The following MYH7 variants were observed in gnomAD, a reference collection of about 807,000 sequenced individuals.
MYH7 encodes the protein myosin-7.
MYH7 carries 129 observed loss-of-function variants against 225.4 expected under a neutral mutation model. That is an observed-to-expected ratio of 0.57 (90% CI 0.50 to 0.66). MYH7 has a LOEUF of 0.66. Ranked by LOEUF, MYH7 falls within the 30% of genes least tolerant of loss-of-function variation. The pLI is 0.00. For missense variants in MYH7, 1,649 were observed against 2,517.0 expected, an observed-to-expected ratio of 0.66 and a Z score of 7.38; for synonymous variants, 971 against 1,007.6, an observed-to-expected ratio of 0.96 and a Z score of 0.69.
chr14:23,414,755 T>G (rs1434133699), intron 37 of MYH7, among the ~76,000 whole-genome samples: 1 of 152,138 alleles, frequency 6.6e-6, no homozygotes. Context: ...ATTCTGTGTG[T>G]GTCCCCTGGC....
Position 23,415,478 on chromosome 14 carries a change from T to C in MYH7, c.5186A>G (p.Lys1729Arg). ...QNTSLINQKKKMDADLSQLQT... is the reference protein window; with the variant it reads ...QNTSLINQKKRMDADLSQLQT... ...GAGCTGGGACAGGTCAGCATCCATC[T>C]TCTTCTTCTGGTTGATGAGGCTGGT... The change falls in exon 36 of 40, where the codon AAG becomes AGG. Residue 1729 changes from lysine to arginine, a missense_variant. By Grantham distance (26) the Lys-to-Arg change is conservative (BLOSUM62 2). Coordinates refer to ENST00000355349, the MANE Select transcript of MYH7 (RefSeq NM_000257.4). This position sits in a 1 kb window ranked among gnomAD's most constrained non-coding sequence, Gnocchi z 6.3. 6.2e-7 allele frequency: 1 copy of C among 1,614,220 alleles called. No individual in the cohort carries two copies. Among genetic ancestry groups the C allele is most frequent in the Non-Finnish European group, 8.5e-7 (1 of 1,180,036 alleles).
At position 23,424,850 on chromosome 14, in the gene MYH7, G is replaced by A. The variant is rs1202278618; in HGVS notation, c.2598C>T (p.Ser866=). ...FTRLKEALEK[S]EARRKELEEK... is the part of the protein sequence containing the mutation. Reference sequence around the variant, plus strand: ...CCTCCAGCTCCTTGCGGCGAGCCTCGGACTTCTCTAGCGCCTCTTTGAGGC... The same window carrying A: ...CCTCCAGCTCCTTGCGGCGAGCCTCAGACTTCTCTAGCGCCTCTTTGAGGC... The change falls in exon 22 of 40, where the codon TCC becomes TCT. Residue 866 remains serine (S), a synonymous_variant. Transcript: ENST00000355349. 9 of 1,614,056 alleles carry A rather than the reference G, an allele frequency of 5.6e-6. No homozygotes were observed. Among genetic ancestry groups the A allele is most frequent in the Middle Eastern group, 1.6e-4 (1 of 6,084 alleles).
chr14:23,422,484 A>G (rs970432956), intron 24 of MYH7, among the ~76,000 whole-genome samples, 159 bp from the exon 25 acceptor site: 1 of 152,120 alleles, frequency 6.6e-6, no homozygotes, highest in African/African-American at 2.4e-5. Flanking sequence ...GAGATTGCCT[A>G]GATATAGGGG....
Position 23,433,503 on chromosome 14 carries a change from GT to G in MYH7, c.201+28del. 3 of 1,610,578 alleles carry G rather than the reference GT, an allele frequency of 1.9e-6. No individual in the cohort carries two copies. The highest frequency in any genetic ancestry group is 2.5e-6 in the Non-Finnish European group (3 of 1,178,144). ...CCACCCAGGTGTACAGGTGGCCAGG[GT>G]GGACTCTCACATCAGCCTGACACCC... On this transcript the variant is annotated intron_variant, in intron 3 of 39. Transcript: ENST00000355349. The surrounding 1 kb of genome is among the most constrained non-coding windows in gnomAD (Gnocchi z 4.1).
chr14:23,433,233 A>G lies in MYH7; in HGVS notation c.202-6T>C. 1 of 1,614,164 alleles carries G rather than the reference A, an allele frequency of 6.2e-7. No individual in the cohort carries two copies. The highest frequency in any genetic ancestry group is 1.1e-5 in the South Asian group (1 of 91,080). On this transcript the variant is annotated splice_region_variant and splice_polypyrimidine_tract_variant and intron_variant, in intron 3 of 39. Transcript: ENST00000355349. This position sits in a 1 kb window ranked among gnomAD's most constrained non-coding sequence, Gnocchi z 4.1. ...TCCTCCTTCACGGTCACTGTCTGCA[A>G]GAGCCCCCACCCAAGCCCTCCTGTC...
In MYH7 at chr14:23,425,834, T is replaced by A. The variant is rs199538267; in HGVS notation, c.2163-16A>T. On this transcript the variant is annotated splice_polypyrimidine_tract_variant and intron_variant, in intron 19 of 39. Transcript: ENST00000355349. The surrounding 1 kb of genome is among the most constrained non-coding windows in gnomAD (Gnocchi z 4.6). ...GATGCGATACCTGAGGAGGGAAGTGTCCAGAGTCACCCATGCTCTGCAGTG... is the reference window on the plus strand; with the variant it reads ...GATGCGATACCTGAGGAGGGAAGTGACCAGAGTCACCCATGCTCTGCAGTG... 135 of 1,613,804 alleles carry A rather than the reference T, an allele frequency of 8.4e-5. No homozygotes were observed. The African/African-American group carries it at 1.7e-3, about 20-fold the overall frequency.
intron 1 of MYH7, among the ~76,000 whole-genome samples, chr14:23,434,769 G>A (rs1346579863): frequency 6.6e-6 from 1 of 152,162 alleles, no homozygotes; most frequent in Non-Finnish European, 1.5e-5. Context: ...TCCCCATTTT[G>A]TTGTCAGACT....
rs371937608 is a variant in MYH7, at chr14:23,421,033, C to T, written c.3261G>A (p.Leu1087=). Residue 1087 remains leucine, a synonymous_variant, in exon 26 of 40, where the codon CTG becomes CTA. Transcript: ENST00000355349. ...CCTCAATCCTTGCGTTGAGAGCATT[C>T]AGCTCAAAGTCTTTTCTGTGGGGAA... is the stretch of plus-strand genomic sequence containing the variant. The part of the protein sequence containing the change: ...DERLKKKDFE[L]NALNARIEDE... 81 of 1,612,994 alleles carry T rather than the reference C, an allele frequency of 5.0e-5. No homozygotes were observed. Among genetic ancestry groups the T allele is most frequent in the Non-Finnish European group, 6.5e-5 (77 of 1,179,998 alleles).
chr14:23,425,047 G>T lies in MYH7; in HGVS notation c.2424-23C>A, dbSNP rs754282847. 52 of 1,614,034 alleles carry T rather than the reference G, an allele frequency of 3.2e-5. 1 individual carries two copies. The highest frequency in any genetic ancestry group is 1.6e-4 in the Middle Eastern group (1 of 6,072). On this transcript the variant is annotated intron_variant, in intron 21 of 39. Transcript: ENST00000355349. This position sits in a 1 kb window ranked among gnomAD's most constrained non-coding sequence, Gnocchi z 4.6. ...TCTCTGCAGGGGCCCATTGAAAGGAGTGCTGAGCCTCCTGCCTCCTTCCTA... is the reference window on the plus strand; with the variant it reads ...TCTCTGCAGGGGCCCATTGAAAGGATTGCTGAGCCTCCTGCCTCCTTCCTA...
rs201326686 is a variant in MYH7, at chr14:23,416,285, T to A, written c.4672A>T (p.Ile1558Phe). ...TTGAACTCCAGCTGGGCCCGGAGGATCTTGCCCTCCTCGTGCTCCAGGGAG... is the reference window on the plus strand; with the variant it reads ...TTGAACTCCAGCTGGGCCCGGAGGAACTTGCCCTCCTCGTGCTCCAGGGAG... Reference protein sequence around the residue: ...EASLEHEEGKILRAQLEFNQI... With the variant: ...EASLEHEEGKFLRAQLEFNQI... Residue 1558 changes from isoleucine to phenylalanine, a missense_variant, in exon 34 of 40, where the codon ATC becomes TTC. Ile to Phe is a conservative substitution (Grantham distance 21). Transcript: ENST00000355349. 1 of 1,612,690 alleles carries A rather than the reference T, an allele frequency of 6.2e-7. No individual in the cohort carries two copies. The highest frequency in any genetic ancestry group is 1.3e-5 in the African/African-American group (1 of 74,858).
intron 12 of MYH7, 101 bp from the exon 13 acceptor site, chr14:23,429,448 G>A (rs1232240103): frequency 8.3e-7 from 1 of 1,204,044 alleles, no homozygotes; most frequent in Non-Finnish European, 1.2e-6. Flanking sequence ...GGCCAAGGCA[G>A]GCGGATCACT....
chr14:23,421,829 A>T (rs1476039112), intron 25 of MYH7: 1 of 974,052 alleles, frequency 1.0e-6, no homozygotes, highest in Non-Finnish European at 1.2e-6. Context: ...CCACAAAGGG[A>T]CTTTCCTAAG....
In MYH7 at chr14:23,417,253, C is replaced by G; in HGVS notation, c.4419G>C (p.Glu1473Asp). The G allele has an allele frequency of 6.2e-7, 1 of 1,614,206 alleles. No homozygotes were observed. The highest frequency in any genetic ancestry group is 8.5e-7 in the Non-Finnish European group (1 of 1,180,028). ...SQSELESSQK[E>D]ARSLSTELFK... ...AGAGCTCTGTGCTGAGGGAGCGAGC[C>G]TCCTTCTGCGAGGACTCCAGCTCCG... Residue 1473 changes from glutamate to aspartate, a missense_variant, in exon 32 of 40, where the codon GAG becomes GAC. By Grantham distance (45) the Glu-to-Asp change is conservative. Around this residue, in one of 12 missense-constraint regions of MYH7, gnomAD observed 687 missense variants for 913.8 expected, o/e 0.75. Transcript: ENST00000355349.
rs554118799 is a variant in MYH7, at chr14:23,418,923, T to C, written c.3972+254A>G. On this transcript the variant is annotated intron_variant, in intron 29 of 39. Coordinates refer to ENST00000355349, the MANE Select transcript of MYH7 (RefSeq NM_000257.4). ...CCCTAGCCGTGCCCGGGCAAGGCCA[T>C]CTCGTGCCTCCCTAGTTCATTTTCT... 9.1e-4 allele frequency among the ~76,000 whole-genome samples: 139 copies of C among 152,310 alleles called. 1 individual carries two copies. Among genetic ancestry groups the C allele is most frequent in the Admixed American group, 2.4e-3 (36 of 15,304 alleles).
rs1369248692 is a variant in MYH7 at position 23,431,525 on chromosome 14, A to G, written c.733-44T>C. 7 of 1,613,268 alleles carry G rather than the reference A, an allele frequency of 4.3e-6. 1 individual carries two copies. The South Asian group carries it at 6.6e-5, about 15-fold the overall frequency. Reference sequence around the variant, plus strand: ...GTGGTGATGAGTTGGGGGAAGGCTCATATCTGAGACCATTCCTCCACCAGT... The same window carrying G: ...GTGGTGATGAGTTGGGGGAAGGCTCGTATCTGAGACCATTCCTCCACCAGT... On this transcript the variant is annotated intron_variant, in intron 8 of 39. Coordinates refer to ENST00000355349, the MANE Select transcript of MYH7 (RefSeq NM_000257.4).
At position 23,415,323 on chromosome 14, in the gene MYH7, C is replaced by G. The variant is rs1375827686; in HGVS notation, c.5284-53G>C. On this transcript the variant is annotated intron_variant, in intron 36 of 39. Transcript: ENST00000355349. The surrounding 1 kb of genome is among the most constrained non-coding windows in gnomAD (Gnocchi z 6.3). ...GTCTGGTCAAGTCCTCACACACTTGCTGCCCAGCCCACGGAGAGACACTGG... is the reference window on the plus strand; with the variant it reads ...GTCTGGTCAAGTCCTCACACACTTGGTGCCCAGCCCACGGAGAGACACTGG... The G allele has an allele frequency of 1.2e-6, 2 of 1,614,250 alleles. No homozygotes were observed. Among genetic ancestry groups the G allele is most frequent in the African/African-American group, 1.3e-5 (1 of 75,072 alleles).
Position 23,419,170 on chromosome 14 carries a change from C to T in MYH7, c.3972+7G>A, listed in dbSNP as rs777325544. 1 of 1,614,060 alleles carries T rather than the reference C, an allele frequency of 6.2e-7. No individual in the cohort carries two copies. The highest frequency in any genetic ancestry group is 2.2e-5 in the East Asian group (1 of 44,882). On this transcript the variant is annotated splice_region_variant and intron_variant, in intron 29 of 39. Transcript: ENST00000355349. ...CTTGGGCCAGGTGGCCCGAGTCTAG[C>T]CCTTACCTTAACCTCCTCCTCCAGC... is the stretch of plus-strand genomic sequence containing the variant.
chr14:23,421,382 G>T (rs750606933), intron 25 of MYH7, among the ~76,000 whole-genome samples: 2 of 152,158 alleles, frequency 1.3e-5, no homozygotes, highest in African/African-American at 2.4e-5. Context: ...CTTTAATTTT[G>T]TCACTATTGC....
chr14:23,430,863 A>G (rs1022876489), intron 10 of MYH7, 38 bp downstream of exon 10: 5 of 1,503,356 alleles, frequency 3.3e-6, no homozygotes, highest in Non-Finnish European at 4.6e-6. Flanking sequence ...CCAGGTTGCC[A>G]TGGAGATAGT....
Sources: gnomAD v4.1 joint callset for allele counts (sites outside exome capture counted in the v4.1 genomes callset) on GRCh38, gnomAD v4.1.1 for gene constraint, gnomAD v4.1.1 regional missense constraint, Gnocchi (gnomAD v3.1) non-coding constraint, MANE v1.5 for transcripts, NCBI Gene and HGNC (gene_info 2026-07-23, HGNC 2026-07-21) for gene names.